The following CREB3L2 variants were observed in gnomAD, a reference collection of about 807,000 sequenced individuals.
The protein encoded by CREB3L2 is cyclic AMP-responsive element-binding protein 3-like protein 2.
A neutral mutation model predicts 57.2 loss-of-function variants in CREB3L2; 23 were observed. The ratio of observed to expected loss-of-function variants is 0.40; its 90% confidence interval spans 0.29 to 0.57. The LOEUF (loss-of-function observed/expected upper bound fraction) is 0.57. Ranked by LOEUF, CREB3L2 falls within the 20% of genes least tolerant of loss-of-function variation. CREB3L2 has a pLI of 0.42. For synonymous variants in CREB3L2, 268 were observed against 265.1 expected (o/e 1.01, Z -0.11); for missense variants, 628 against 634.7 (o/e 0.99, Z 0.11).
At chr7:137,967,595 C>T (rs1801429985) in intron 1 of CREB3L2, among the ~76,000 whole-genome samples, 1 of 152,188 alleles carries the variant, frequency 6.6e-6, no homozygotes, top group Admixed American at 6.5e-5. Context: ...AGTGCCCTTG[C>T]TATTGATTTG....
intron 1 of CREB3L2, among the ~76,000 whole-genome samples, chr7:137,993,931 T>A (rs1213206451): frequency 1.3e-5 from 2 of 152,226 alleles, no homozygotes; most frequent in Non-Finnish European, 2.9e-5. Context: ...TCTTCTCCCA[T>A]GTGCCTCATG....
At chr7:137,973,111 A>G (rs940712970) in intron 1 of CREB3L2, among the ~76,000 whole-genome samples, 1 of 151,946 alleles carries the variant, frequency 6.6e-6, no homozygotes, top group African/African-American at 2.4e-5. Flanking sequence ...AGCACGGCAC[A>G]TGTATATGTA....
At chr7:137,920,742 A>G (rs2117226834) in intron 2 of CREB3L2, among the ~76,000 whole-genome samples, 1 of 152,376 alleles carries the variant, frequency 6.6e-6, no homozygotes, top group South Asian at 2.1e-4. Flanking sequence ...ATCACAAAAT[A>G]CGAAATGACT....
chr7:137,919,725 T>C (rs968408773), intron 2 of CREB3L2, among the ~76,000 whole-genome samples: 1 of 152,204 alleles, frequency 6.6e-6, no homozygotes, highest in African/African-American at 2.4e-5. Context: ...GGAATATTTA[T>C]GCAGACATTA....
At position 137,991,624 on chromosome 7, in the gene CREB3L2, C is replaced by T. The variant is rs112141712; in HGVS notation, c.102+9980G>A. 1.4e-4 allele frequency among the ~76,000 whole-genome samples: 22 copies of T among 152,094 alleles called. 1 individual carries two copies. The highest frequency in any genetic ancestry group is 5.8e-4 in the East Asian group (3 of 5,140). The stretch of plus-strand genomic sequence containing the variant: ...TGATGAGTTCATAGATCAAAAGGCA[C>T]GGCCGAGCACAGTGGCTCATGCCTG... On this transcript the variant is annotated intron_variant, in intron 1 of 11. Transcript: ENST00000330387.
chr7:137,973,918 A>C (rs1490049860), intron 1 of CREB3L2, among the ~76,000 whole-genome samples: 1 of 152,172 alleles, frequency 6.6e-6, no homozygotes, highest in African/African-American at 2.4e-5. Context: ...CAAACCAATA[A>C]CTGCTCATCA....
rs754503319 is a variant in CREB3L2, at chr7:138,001,626, C to A, written c.80G>T (p.Gly27Val). 1.2e-6 allele frequency: 2 copies of A among 1,613,238 alleles called. No individual in the cohort carries two copies. The highest frequency in any genetic ancestry group is 2.2e-5 in the South Asian group (2 of 91,000). The change falls in exon 1 of 12, where the codon GGC becomes GTC. Residue 27 changes from glycine to valine, a missense_variant. This residue lies in a region of CREB3L2 where 339 missense variants were observed against 355.4 expected (regional missense o/e 0.95). Coordinates refer to ENST00000330387, the MANE Select transcript of CREB3L2 (RefSeq NM_194071.4). The surrounding 1 kb of genome is among the most constrained non-coding windows in gnomAD (Gnocchi z 4.2). ...CACCGTGTGGTACATGAGGGCCTCG[C>A]CGTCCCCGGGCTCTGACAGCTCGCT... ...KLSELSEPGDGEALMYHTHFS... is the reference protein window; with the variant it reads ...KLSELSEPGDVEALMYHTHFS...
rs536416082 is a variant in CREB3L2, at chr7:137,957,742, C to T, written c.103-29376G>A. On this transcript the variant is annotated intron_variant, in intron 1 of 11. Coordinates refer to ENST00000330387, the MANE Select transcript of CREB3L2 (RefSeq NM_194071.4). ...GGCTTCACAAGTTTTCTTCAAAGAA[C>T]GCACCTGTAAGAAAGAAGACTGGCT... The T allele has an allele frequency of 1.1e-4, 140 of 1,287,030 alleles. 6 individuals are homozygous for T. Among genetic ancestry groups the T allele is most frequent in the South Asian group, 8.8e-4 (71 of 80,912 alleles). 79.7% of individuals were successfully genotyped at this position (1,287,030 alleles called of 1,614,324 possible). A position where few individuals can be genotyped will look rare whatever the true frequency, so the allele number is the denominator to read the frequency against.
intron 1 of CREB3L2, among the ~76,000 whole-genome samples, chr7:137,931,366 C>T (rs1453933149): frequency 1.4e-5 from 2 of 142,808 alleles, no homozygotes; most frequent in African/African-American, 2.6e-5. Context: ...GCTAAAAATA[C>T]AAAAAATTAG....
rs28533979 is a variant in CREB3L2 at position 137,990,115 on chromosome 7, T to C, written c.102+11489A>G. Among the ~76,000 whole-genome samples the C allele has an allele frequency of 8.5e-3, 1,290 of 152,290 alleles. 18 individuals are homozygous for C. Among genetic ancestry groups the C allele is most frequent in the African/African-American group, 0.03 (1,231 of 41,554 alleles). ...CGCTTACAAAAGAATGTCCAAGTCA[T>C]TTGCCAAGCACACAAACCTCTCATG... On this transcript the variant is annotated intron_variant, in intron 1 of 11. Coordinates refer to ENST00000330387, the MANE Select transcript of CREB3L2 (RefSeq NM_194071.4).
chr7:137,904,022 G>A lies in CREB3L2; in HGVS notation c.916-5C>T. 1 of 1,610,426 alleles carries A rather than the reference G, an allele frequency of 6.2e-7. No individual in the cohort carries two copies. The highest frequency in any genetic ancestry group is 1.1e-5 in the South Asian group (1 of 91,014). On this transcript the variant is annotated splice_region_variant and splice_polypyrimidine_tract_variant and intron_variant, in intron 6 of 11. Transcript: ENST00000330387. ...CCTACTTTCCTGAGCAGAAATCTGA[G>A]AGAGAGGAGTGGGAGGAGAATGATT...
rs1408025581 is a variant in CREB3L2 at position 137,928,266 on chromosome 7, G to C, written c.203C>G (p.Pro68Arg). 2.5e-6 allele frequency: 4 copies of C among 1,613,986 alleles called. No homozygotes were observed. The highest frequency in any genetic ancestry group is 1.1e-5 in the South Asian group (1 of 91,036). The change falls in exon 2 of 12, where the codon CCT becomes CGT. Residue 68 changes from proline (P) to arginine (R), a missense_variant. Pro to Arg is a moderately radical substitution (Grantham distance 103). Coordinates refer to ENST00000330387, the MANE Select transcript of CREB3L2 (RefSeq NM_194071.4). ...SEKSVSMEVEPSPTSPAPLIQ... is the reference protein window; with the variant it reads ...SEKSVSMEVERSPTSPAPLIQ... ...GAGAGGCGCCGGGGACGTCGGGGAA[G>C]GTTCCACCTCCATTGACACACTCTT...
chr7:137,943,308 C>T (rs982355730), intron 1 of CREB3L2, among the ~76,000 whole-genome samples: 5 of 152,128 alleles, frequency 3.3e-5, no homozygotes, highest in African/African-American at 1.2e-4. Flanking sequence ...CCTGCAACTC[C>T]CCTTCTCTGG....
chr7:137,948,889 A>T (rs1486329971), intron 1 of CREB3L2, among the ~76,000 whole-genome samples: 2 of 152,230 alleles, frequency 1.3e-5, no homozygotes, highest in Non-Finnish European at 2.9e-5. Context: ...GATGATGATG[A>T]AAACCAGCAG....
intron 2 of CREB3L2, among the ~76,000 whole-genome samples, chr7:137,920,032 G>A (rs891691145): frequency 1.3e-5 from 2 of 152,220 alleles, no homozygotes; most frequent in Admixed American, 1.3e-4. Context: ...ATTGGGTAGA[G>A]GTTGTAATTG....
At chr7:137,915,716 T>C (rs1800113837) in intron 3 of CREB3L2, 121 bp downstream of exon 3, 2 of 767,640 alleles carry the variant, frequency 2.6e-6, no homozygotes, top group East Asian at 2.6e-5. Flanking sequence ...ACATATGAAG[T>C]TGCATGTCCT....
intron 1 of CREB3L2, among the ~76,000 whole-genome samples, chr7:137,994,673 T>G (rs1801957112): frequency 1.3e-5 from 2 of 152,118 alleles, no homozygotes; most frequent in Admixed American, 1.3e-4. Context: ...GGGCCGGACG[T>G]GATAGCTCAT....
At chr7:137,972,759 A>AT in intron 1 of CREB3L2, among the ~76,000 whole-genome samples, 1 of 111,854 alleles carries the variant, frequency 8.9e-6, no homozygotes, top group Non-Finnish European at 1.8e-5. Context: ...AGAGAGAGAG[A>AT]GAGAGAGAGA....
At chr7:137,947,312 G>T (rs1186431970) in intron 1 of CREB3L2, among the ~76,000 whole-genome samples, 1 of 152,028 alleles carries the variant, frequency 6.6e-6, no homozygotes, top group Non-Finnish European at 1.5e-5. Flanking sequence ...CGTAGCAAGA[G>T]AAAACTAATA....
Sources: allele counts gnomAD v4.1 joint callset (sites outside exome capture counted in the v4.1 genomes callset), GRCh38; gene constraint gnomAD v4.1.1; regional missense constraint gnomAD v4.1.1; non-coding constraint Gnocchi (gnomAD v3.1); transcripts MANE v1.5; gene names NCBI Gene and HGNC (gene_info 2026-07-23, HGNC 2026-07-21).